The following P2RX3 variants were observed in gnomAD, a reference collection of about 807,000 sequenced individuals.
P2RX3 encodes purinergic receptor P2X 3.
A neutral mutation model predicts 51.5 loss-of-function variants in P2RX3; 41 were observed. The ratio of observed to expected loss-of-function variants is 0.80; its 90% CI spans 0.62 to 1.03. P2RX3 has a LOEUF of 1.03. Ranked by LOEUF, P2RX3 falls within the 50% of genes least tolerant of loss-of-function variation. The pLI is 0.00. For synonymous variants in P2RX3, 185 were observed against 191.6 expected (o/e 0.97, Z 0.29); for missense variants, 459 against 522.1 (o/e 0.88, Z 1.18).
chr11:57,351,550 G>A (rs367875168), intron 8 of P2RX3, among the ~76,000 whole-genome samples: 59 of 152,252 alleles, frequency 3.9e-4, no homozygotes, highest in African/African-American at 6.0e-4. Context: ...AAACTGTTTG[G>A]AAGCAACTGA....
At chr11:57,349,680 C>G (rs1381442823) in intron 6 of P2RX3, 77 bp from the exon 7 acceptor site, 5 of 1,585,532 alleles carry the variant, frequency 3.2e-6, no homozygotes, top group East Asian at 4.5e-5. Flanking sequence ...GGCCTGGGCT[C>G]CGGAAGGCGG....
intron 1 of P2RX3, among the ~76,000 whole-genome samples, chr11:57,346,194 T>A (rs1000851155): frequency 6.6e-6 from 1 of 152,184 alleles, no homozygotes; most frequent in African/African-American, 2.4e-5. Flanking sequence ...TGGGGCCATA[T>A]GGCCCCCAAG....
At position 57,347,116 on chromosome 11, in the gene P2RX3, G is replaced by A; in HGVS notation, c.256G>A (p.Gly86Ser). ...TTCTCTCCCTTCTTCTCCTCCCAAGGGCACCTCGGTCTTTGTCATCATCAC... is the reference window on the plus strand; with the variant it reads ...TTCTCTCCCTTCTTCTCCTCCCAAGAGCACCTCGGTCTTTGTCATCATCAC... ...DVSDYVTPPQGTSVFVIITKM... is the reference protein window; with the variant it reads ...DVSDYVTPPQSTSVFVIITKM... Residue 86 changes from glycine (G) to serine (S), a missense_variant and splice_region_variant, in exon 3 of 12, where the codon GGC becomes AGC. By Grantham distance (56) the Gly-to-Ser change is moderately conservative. Coordinates refer to ENST00000263314, the MANE Select transcript of P2RX3 (RefSeq NM_002559.5). The A allele has an allele frequency of 6.2e-7, 1 of 1,613,540 alleles. No homozygotes were observed. The highest frequency in any genetic ancestry group is 8.5e-7 in the Non-Finnish European group (1 of 1,179,748).
chr11:57,336,080 T>C (rs1856215143), upstream of P2RX3, among the ~76,000 whole-genome samples: 1 of 152,154 alleles, frequency 6.6e-6, no homozygotes, highest in South Asian at 2.1e-4. Flanking sequence ...CGAGACTAGA[T>C]ACTAAAGAGA....
In P2RX3 at chr11:57,338,543, C is replaced by A; in HGVS notation, c.-8C>A. On this transcript the variant is annotated 5_prime_UTR_variant, in exon 1 of 12. Coordinates refer to ENST00000263314, the MANE Select transcript of P2RX3 (RefSeq NM_002559.5). Reference sequence around the variant, plus strand: ...CCCTTCTGAGTGTCCCCTGAGCACTCTCTCAGCATGAACTGCATATCCGAC... The same window carrying A: ...CCCTTCTGAGTGTCCCCTGAGCACTATCTCAGCATGAACTGCATATCCGAC... The A allele has an allele frequency of 6.3e-7, 1 of 1,576,490 alleles. No homozygotes were observed. The highest frequency in any genetic ancestry group is 1.1e-5 in the South Asian group (1 of 89,218).
At chr11:57,346,426 C>T in intron 1 of P2RX3, 118 bp from the exon 2 acceptor site, 1 of 1,276,442 alleles carries the variant, frequency 7.8e-7, no homozygotes, top group East Asian at 2.3e-5. Context: ...TGGAAGGAAC[C>T]ATCCGCACAC....
chr11:57,370,007 C>A lies in P2RX3; in HGVS notation c.*10C>A. On this transcript the variant is annotated 3_prime_UTR_variant, in exon 12 of 12. Coordinates refer to ENST00000263314, the MANE Select transcript of P2RX3 (RefSeq NM_002559.5). ...CTCCATAGGCCACTAGGGCCTCTTT[C>A]CAGGGCCCCACACTCACAAAGGCTC... The A allele has an allele frequency of 6.3e-7, 1 of 1,582,444 alleles. No individual in the cohort carries two copies. Among genetic ancestry groups the A allele is most frequent in the Non-Finnish European group, 8.7e-7 (1 of 1,152,210 alleles).
At chr11:57,350,024 C>T (rs973465032) in intron 7 of P2RX3, 126 bp downstream of exon 7, 50 of 1,399,494 alleles carry the variant, frequency 3.6e-5, no homozygotes, top group Non-Finnish European at 4.7e-5. Context: ...GTGGAAGCAT[C>T]CCAGGCCGCC....
At position 57,368,584 on chromosome 11, in the gene P2RX3, T is replaced by C. The variant is rs1000709980; in HGVS notation, c.1002+147T>C. 8.2e-6 allele frequency: 7 copies of C among 855,098 alleles called. No individual in the cohort carries two copies. In the East Asian group the frequency reaches 1.5e-4, roughly 19 times the overall value. The allele number at this position is 855,098 out of a possible 1,614,324, so 53.0% of individuals were successfully genotyped here. A position where few individuals can be genotyped will look rare whatever the true frequency, so the allele number is the denominator to read the frequency against. On this transcript the variant is annotated intron_variant, in intron 10 of 11. Transcript: ENST00000263314. ...CCACTTGCTAGGTGCTTCAGTCTCCTTGGCCACCACCCTGCTGCGTCAGCC... is the reference window on the plus strand; with the variant it reads ...CCACTTGCTAGGTGCTTCAGTCTCCCTGGCCACCACCCTGCTGCGTCAGCC...
chr11:57,357,941 T>C (rs933743258), intron 8 of P2RX3, among the ~76,000 whole-genome samples: 1 of 152,208 alleles, frequency 6.6e-6, no homozygotes, highest in Non-Finnish European at 1.5e-5. Context: ...GGCCCAAGTT[T>C]TCCCTTGCAA....
intron 8 of P2RX3, among the ~76,000 whole-genome samples, chr11:57,361,322 G>A (rs1024856608): frequency 2.0e-5 from 3 of 151,670 alleles, no homozygotes; most frequent in Non-Finnish European, 4.4e-5. Context: ...TGGGATACAT[G>A]TGCAGGACGT....
intron 8 of P2RX3, among the ~76,000 whole-genome samples, chr11:57,355,481 C>T (rs1366740389): frequency 2.0e-5 from 3 of 151,948 alleles, no homozygotes; most frequent in African/African-American, 7.3e-5. Flanking sequence ...GCTGGGATTA[C>T]AGGTGCCCGC....
In P2RX3 at chr11:57,369,908, G is replaced by T. The variant is rs201360035; in HGVS notation, c.1105G>T (p.Ala369Ser). Reference sequence around the variant, plus strand: ...GGTGAATGAGACTACGCTGAAAATCGCGGCTTTGACCAACCCAGTGTACCC... The same window carrying T: ...GGTGAATGAGACTACGCTGAAAATCTCGGCTTTGACCAACCCAGTGTACCC... ...EEVNETTLKIAALTNPVYPSD... is the reference protein window; with the variant it reads ...EEVNETTLKISALTNPVYPSD... The change falls in exon 12 of 12, where the codon GCG (alanine) becomes TCG (serine). Residue 369 changes from alanine (A) to serine (S), a missense_variant. Transcript: ENST00000263314. The T allele has an allele frequency of 1.9e-6, 3 of 1,613,820 alleles. No homozygotes were observed. The highest frequency in any genetic ancestry group is 2.5e-6 in the Non-Finnish European group (3 of 1,179,822).
chr11:57,367,919 G>T, intron 8 of P2RX3, 90 bp from the exon 9 acceptor site: 2 of 1,025,320 alleles, frequency 2.0e-6, no homozygotes, highest in South Asian at 2.7e-5. Flanking sequence ...TGCTCAGTGA[G>T]CCAAGACACA....
At chr11:57,350,702 T>G in intron 7 of P2RX3, 60 bp from the exon 8 acceptor site, 13 of 871,044 alleles carry the variant, frequency 1.5e-5, no homozygotes, top group East Asian at 1.2e-4. Flanking sequence ...ACCCCCACCC[T>G]GGCCCAGAGC....
intron 9 of P2RX3, 115 bp downstream of exon 9, chr11:57,368,217 C>T: frequency 2.3e-6 from 3 of 1,309,448 alleles, no homozygotes; most frequent in Admixed American, 3.4e-5. Context: ...AGCTTTGACA[C>T]CCTCAGTGGG....
chr11:57,347,336 A>T, intron 3 of P2RX3, 79 bp from the exon 4 acceptor site: 2 of 1,510,102 alleles, frequency 1.3e-6, no homozygotes, highest in South Asian at 2.4e-5. Flanking sequence ...GCTGTTGGTT[A>T]TGGGGAGGTC....
Position 57,350,851 on chromosome 11 carries a change from C to G in P2RX3, c.795C>G (p.Leu265=). ...TCCCCAAATACTCCTTCACCCGGCT[C>G]GACAGCGTTTCTGAGAAAAGCAGCG... The part of the protein sequence containing the change: ...QCIPKYSFTR[L]DSVSEKSSVS... Residue 265 remains leucine (L), a synonymous_variant, in exon 8 of 12, where the codon CTC becomes CTG. Transcript: ENST00000263314. 1 of 1,614,102 alleles carries G rather than the reference C, an allele frequency of 6.2e-7. No homozygotes were observed. The highest frequency in any genetic ancestry group is 1.3e-5 in the African/African-American group (1 of 75,006).
intron 1 of P2RX3, among the ~76,000 whole-genome samples, chr11:57,345,738 A>T (rs1856418426): frequency 6.6e-6 from 1 of 152,100 alleles, no homozygotes; most frequent in Non-Finnish European, 1.5e-5. Flanking sequence ...GAAGATAGGG[A>T]TGGAAAAAGG....
Sources: gnomAD v4.1 joint callset for allele counts (sites outside exome capture counted in the v4.1 genomes callset) on GRCh38, gnomAD v4.1.1 for gene constraint, MANE v1.5 for transcripts, NCBI Gene and HGNC (gene_info 2026-07-23, HGNC 2026-07-21) for gene names.